Variants in FNBP4 observed in about 807,000 individuals in gnomAD.
FNBP4 encodes the protein formin binding protein 4, also known as formin-binding protein 4.
In FNBP4, 34 loss-of-function variants were observed where a neutral mutation model predicts 119.3. The ratio of observed to expected loss-of-function variants is 0.28; its 90% CI spans 0.22 to 0.38. FNBP4 has a LOEUF of 0.38. Ranked by LOEUF, FNBP4 falls within the 10% of genes least tolerant of loss-of-function variation. The pLI, the probability that FNBP4 is intolerant of heterozygous loss-of-function variation, is 1.00. For synonymous variants in FNBP4, 462 were observed against 430.6 expected, an observed-to-expected ratio of 1.07 and a Z score of -0.90; for missense variants, 1,112 against 1,228.9, an observed-to-expected ratio of 0.90 and a Z score of 1.42.
chr11:47,746,409 A>C lies in FNBP4; in HGVS notation c.907-15T>G. 6.4e-7 allele frequency: 1 copy of C among 1,564,826 alleles called. No individual in the cohort carries two copies. The highest frequency in any genetic ancestry group is 1.2e-5 in the South Asian group (1 of 82,960). The stretch of plus-strand genomic sequence containing the variant: ...TCATTTACTTCCTATAAAGAACAAA[A>C]TAATTTAGTCTCATTTAATTCTGAA... On this transcript the variant is annotated splice_polypyrimidine_tract_variant and intron_variant, in intron 6 of 16. Coordinates refer to ENST00000263773, the MANE Select transcript of FNBP4 (RefSeq NM_015308.5).
At position 47,724,622 on chromosome 11, in the gene FNBP4, G is replaced by A; in HGVS notation, c.2165C>T (p.Pro722Leu). The change falls in exon 13 of 17, where the codon CCT becomes CTT. Residue 722 changes from proline (P) to leucine (L), a missense_variant. Physicochemically the swap from Pro to Leu is moderately conservative, Grantham distance 98. Around this residue, in one of 2 missense-constraint regions of FNBP4, gnomAD observed 826 missense variants for 988.8 expected, o/e 0.84. Transcript: ENST00000263773. ...AGGAGGTGGTGGAGGAGGGGGTGGA[G>A]GTGATTCTGGAGGTGGAGGTGGGGG... Reference protein sequence around the residue: ...PPPPPPPPESPPPPPPPPPPA... With the variant: ...PPPPPPPPESLPPPPPPPPPA... 1 of 1,614,092 alleles carries A rather than the reference G, an allele frequency of 6.2e-7. No individual in the cohort carries two copies. Among genetic ancestry groups the A allele is most frequent in the East Asian group, 2.2e-5 (1 of 44,882 alleles).
chr11:47,732,704 T>C lies in FNBP4; in HGVS notation c.1687-34A>G, dbSNP rs747885242. ...AACAGACAAATAAGTTAAAGACTTA[T>C]TATTACATGTCAGGAGACACAGGCA... On this transcript the variant is annotated intron_variant, in intron 10 of 16. Transcript: ENST00000263773. The surrounding 1 kb of genome is among the most constrained non-coding windows in gnomAD (Gnocchi z 4.2). The C allele has an allele frequency of 1.8e-5, 29 of 1,603,408 alleles. No homozygotes were observed. Among genetic ancestry groups the C allele is most frequent in the East Asian group, 2.2e-5 (1 of 44,826 alleles).
intron 2 of FNBP4, among the ~76,000 whole-genome samples, chr11:47,756,251 T>C (rs944512363): frequency 5.3e-5 from 8 of 152,202 alleles, no homozygotes; most frequent in African/African-American, 1.7e-4. Context: ...CATAGAGTAT[T>C]ATTATATGTA....
intron 12 of FNBP4, among the ~76,000 whole-genome samples, chr11:47,727,251 C>CTTTTT (rs56258205): frequency 3.6e-5 from 5 of 137,940 alleles, no homozygotes; most frequent in South Asian, 2.3e-4. Flanking sequence ...TACTTTTCTT[C>CTTTTT]TTTTTTTTTT....
intron 8 of FNBP4, among the ~76,000 whole-genome samples, chr11:47,737,148 G>A (rs1051555132): frequency 6.6e-6 from 1 of 152,048 alleles, no homozygotes. Flanking sequence ...CCGAGATTGC[G>A]CCACTGTACT....
In FNBP4 at chr11:47,767,315, G is replaced by T. The variant is rs2097649914; in HGVS notation, c.-27C>A. On this transcript the variant is annotated 5_prime_UTR_variant, in exon 1 of 17. Transcript: ENST00000263773. ...GCGAGCCCAAGCGCGAGCAGAGAGC[G>T]TCGGGCGGCCGAGAGGGGCGGGCAC... 7 of 1,458,370 alleles carry T rather than the reference G, an allele frequency of 4.8e-6. No homozygotes were observed. Among genetic ancestry groups the T allele is most frequent in the South Asian group, 4.1e-5 (3 of 73,240 alleles). The allele number at this position is 1,458,370 out of a possible 1,614,324, so 90.3% of individuals were successfully genotyped here.
chr11:47,754,730 G>A lies in FNBP4; in HGVS notation c.314-66C>T, dbSNP rs547378058. 9 of 1,553,982 alleles carry A rather than the reference G, an allele frequency of 5.8e-6. No individual in the cohort carries two copies. In the East Asian group the frequency reaches 6.8e-5, roughly 12 times the overall value. Reference sequence around the variant, plus strand: ...CAATATGTCCTAAGAAGCATCTAAAGCGGAAGTATAACATGTTTTTTTTAA... The same window carrying A: ...CAATATGTCCTAAGAAGCATCTAAAACGGAAGTATAACATGTTTTTTTTAA... On this transcript the variant is annotated intron_variant, in intron 2 of 16. Transcript: ENST00000263773.
intron 6 of FNBP4, among the ~76,000 whole-genome samples, chr11:47,750,408 G>A (rs202200644): frequency 4.4e-3 from 86 of 19,636 alleles, no homozygotes; most frequent in Non-Finnish European, 7.4e-3. Flanking sequence ...AAAAAAAAAA[G>A]GCCAGATGTG....
At chr11:47,746,724 G>T (rs1384152686) in intron 6 of FNBP4, among the ~76,000 whole-genome samples, 1 of 152,076 alleles carries the variant, frequency 6.6e-6, no homozygotes, top group Admixed American at 6.6e-5. Flanking sequence ...CGTTGGCCAG[G>T]CTGGTCTCAA....
chr11:47,740,674 AC>A (rs2097580681), intron 8 of FNBP4, among the ~76,000 whole-genome samples: 1 of 151,376 alleles, frequency 6.6e-6, no homozygotes, highest in Non-Finnish European at 1.5e-5. Context: ...GCTCACTCCA[AC>A]TTCCGCCTCC....
intron 3 of FNBP4, among the ~76,000 whole-genome samples, chr11:47,753,484 A>G (rs2097608681): frequency 2.0e-5 from 3 of 152,038 alleles, no homozygotes; most frequent in Non-Finnish European, 4.4e-5. Context: ...GGTGGTGGGC[A>G]CCTGTAATCT....
chr11:47,720,698 C>T (rs1008244451), intron 15 of FNBP4, among the ~76,000 whole-genome samples: 93 of 150,942 alleles, frequency 6.2e-4, no homozygotes, highest in African/African-American at 1.8e-3. Flanking sequence ...TTGCCTTTAT[C>T]GCGTCTCAGA....
Position 47,736,612 on chromosome 11 carries a change from A to C in FNBP4, c.1581+4T>G. The C allele has an allele frequency of 2.5e-6, 4 of 1,582,198 alleles. No individual in the cohort carries two copies. The highest frequency in any genetic ancestry group is 3.4e-6 in the Non-Finnish European group (4 of 1,160,754). On this transcript the variant is annotated splice_donor_region_variant and intron_variant, in intron 9 of 16. Transcript: ENST00000263773. The stretch of plus-strand genomic sequence containing the variant: ...TGTCAAGTTGCATTAAGTAATATAC[A>C]TACTTTCAAATCCTGTTCTTCTTCT...
At chr11:47,756,185 C>A (rs992980487) in intron 2 of FNBP4, among the ~76,000 whole-genome samples, 2 of 152,042 alleles carry the variant, frequency 1.3e-5, no homozygotes, top group Non-Finnish European at 2.9e-5. Context: ...TGCTGCTATG[C>A]CATTTCCTTT....
rs551015303 is a variant in FNBP4, at chr11:47,719,901, A to C, written c.2963+28T>G. ...AGGTCTCAACCTACTCCAAAACCCCATCTCATCTGTGTTTCCTTTTCTTTT... is the reference window on the plus strand; with the variant it reads ...AGGTCTCAACCTACTCCAAAACCCCCTCTCATCTGTGTTTCCTTTTCTTTT... On this transcript the variant is annotated intron_variant, in intron 16 of 16. Transcript: ENST00000263773. 7 of 1,612,134 alleles carry C rather than the reference A, an allele frequency of 4.3e-6. No homozygotes were observed. In the African/African-American group the frequency reaches 9.3e-5, roughly 22 times the overall value.
At chr11:47,749,984 T>C (rs1477459843) in intron 6 of FNBP4, among the ~76,000 whole-genome samples, 3 of 152,128 alleles carry the variant, frequency 2.0e-5, no homozygotes, top group Admixed American at 6.6e-5. Context: ...CGAAAAATAA[T>C]AGAATGATTC....
In FNBP4 at chr11:47,718,041, C is replaced by T. The variant is rs144495851; in HGVS notation, c.2964-529G>A. Among the ~76,000 whole-genome samples, 640 of 152,042 alleles carry T rather than the reference C, an allele frequency of 4.2e-3. 28 individuals are homozygous for T. The East Asian group carries it at 0.1, about 25-fold the overall frequency. On this transcript the variant is annotated intron_variant, in intron 16 of 16. Coordinates refer to ENST00000263773, the MANE Select transcript of FNBP4 (RefSeq NM_015308.5). ...AAGTGCTGGGATTACAGGTGTGAGC[C>T]ACCGTGCCCGGCCTTATTTATTTTA...
At chr11:47,763,852 AC>A (rs1195165429) in intron 2 of FNBP4, among the ~76,000 whole-genome samples, 1 of 152,026 alleles carries the variant, frequency 6.6e-6, no homozygotes, top group Non-Finnish European at 1.5e-5. Flanking sequence ...GACCCCTCAA[AC>A]CTCAACATTC....
Position 47,732,609 on chromosome 11 carries a change from T to C in FNBP4, c.1748A>G (p.Gln583Arg). 26 of 1,614,192 alleles carry C rather than the reference T, an allele frequency of 1.6e-5. No homozygotes were observed. The highest frequency in any genetic ancestry group is 2.2e-5 in the Non-Finnish European group (26 of 1,180,016). Residue 583 changes from glutamine (Q) to arginine (R), a missense_variant, in exon 11 of 17, where the codon CAG becomes CGG. Transcript: ENST00000263773. This position sits in a 1 kb window ranked among gnomAD's most constrained non-coding sequence, Gnocchi z 4.2. ...CTGTTTTAGTTGTTCTGCTGCATCCTGAAGTTTTCGTTTAAGGTAGTTTCC... is the reference window on the plus strand; with the variant it reads ...CTGTTTTAGTTGTTCTGCTGCATCCCGAAGTTTTCGTTTAAGGTAGTTTCC... Reference protein sequence around the residue: ...LNGNYLKRKLQDAAEQLKQYE... With the variant: ...LNGNYLKRKLRDAAEQLKQYE...
Sources: gnomAD v4.1 joint callset for allele counts (sites outside exome capture counted in the v4.1 genomes callset) on GRCh38, gnomAD v4.1.1 for gene constraint, gnomAD v4.1.1 regional missense constraint, Gnocchi (gnomAD v3.1) non-coding constraint, MANE v1.5 for transcripts, NCBI Gene and HGNC (gene_info 2026-07-23, HGNC 2026-07-21) for gene names.